Variants in NRIP1 observed in about 807,000 individuals in gnomAD.
NRIP1 encodes the protein nuclear receptor-interacting protein 1.
NRIP1 carries 28 observed loss-of-function variants against 75.0 expected under a neutral mutation model. That is an observed-to-expected ratio of 0.37 (90% CI 0.28 to 0.51). The LOEUF is 0.51. Among genes scored for constraint, NRIP1 ranks in the 20% least tolerant of loss-of-function variants. The pLI is 0.92. For synonymous variants in NRIP1, 526 were observed against 487.6 expected (o/e 1.08, Z -1.04); for missense variants, 1,435 against 1,343.7 (o/e 1.07, Z -1.06).
In NRIP1 at chr21:15,043,553, T is replaced by C. The variant is rs1270824678; in HGVS notation, c.-516A>G. ...ATGAGTCCTGAGAACAGTTCTGAAA[T>C]AGCTCACAATCCAAACACTTCCTGA... On this transcript the variant is annotated 5_prime_UTR_variant, in exon 2 of 4. Coordinates refer to ENST00000318948, the MANE Select transcript of NRIP1 (RefSeq NM_003489.4). 1 of 152,184 alleles carries C rather than the reference T, an allele frequency of 6.6e-6. No homozygotes were observed. The highest frequency in any genetic ancestry group is 2.4e-5 in the African/African-American group (1 of 41,442). 9.4% of individuals were successfully genotyped at this position (152,184 alleles called of 1,614,324 possible). A position where few individuals can be genotyped will look rare whatever the true frequency, so the allele number is the denominator to read the frequency against.
At chr21:14,995,819 C>G (rs1034521508) in intron 3 of NRIP1, among the ~76,000 whole-genome samples, 1 of 151,928 alleles carries the variant, frequency 6.6e-6, no homozygotes, top group African/African-American at 2.4e-5. Flanking sequence ...ACTGGCCCTC[C>G]TCCAACACAT....
chr21:15,020,369 G>A (rs916493223), intron 2 of NRIP1, among the ~76,000 whole-genome samples: 8 of 152,008 alleles, frequency 5.3e-5, no homozygotes, highest in Non-Finnish European at 1.0e-4. Flanking sequence ...TACATGGTGC[G>A]GTACAGTTAG....
intron 3 of NRIP1, among the ~76,000 whole-genome samples, chr21:14,974,634 C>A (rs988042244): frequency 9.2e-5 from 14 of 152,196 alleles, no homozygotes; most frequent in African/African-American, 3.1e-4. Flanking sequence ...AATACTGTCA[C>A]ACACCCTTTG....
chr21:15,024,521 G>A (rs1289716271), intron 2 of NRIP1, among the ~76,000 whole-genome samples: 4 of 152,000 alleles, frequency 2.6e-5, no homozygotes, highest in Middle Eastern at 3.4e-3. Context: ...CAGCCTGGGC[G>A]ACACTCTGTC....
At chr21:15,019,063 A>G (rs1431712003) in intron 2 of NRIP1, among the ~76,000 whole-genome samples, 1 of 151,358 alleles carries the variant, frequency 6.6e-6, no homozygotes, top group Non-Finnish European at 1.5e-5. Context: ...TCCTGTATCT[A>G]TCGAGATAAT....
At chr21:15,045,234 C>T (rs1188317067) in intron 1 of NRIP1, among the ~76,000 whole-genome samples, 1 of 152,038 alleles carries the variant, frequency 6.6e-6, no homozygotes, top group Non-Finnish European at 1.5e-5. Flanking sequence ...CGTCCTATAC[C>T]AACCAGCATG....
intron 1 of NRIP1, among the ~76,000 whole-genome samples, chr21:15,045,165 G>A (rs1283661037): frequency 6.6e-6 from 1 of 152,076 alleles, no homozygotes; most frequent in Non-Finnish European, 1.5e-5. Context: ...AATCAGCCTG[G>A]TTGGGTGGTA....
Position 15,064,980 on chromosome 21 carries a change from C to A in NRIP1, c.-773G>T. 1 of 150,820 alleles carries A rather than the reference C, an allele frequency of 6.6e-6. No individual in the cohort carries two copies. The highest frequency in any genetic ancestry group is 1.8e-4 in the South Asian group (1 of 5,482). The allele number at this position is 150,820 out of a possible 1,614,324, so 9.3% of individuals were successfully genotyped here. On this transcript the variant is annotated 5_prime_UTR_variant, in exon 1 of 4. Transcript: ENST00000318948. ...CTCCTCCGCCGCCGCCTCCCGAGTT[C>A]GGGGCTCTGCTGCAATGTCTGCGAG...
chr21:15,057,174 A>AAAAAATCATGTTAAGAACTGTTAATAG (rs2089325388), intron 1 of NRIP1, among the ~76,000 whole-genome samples: 1 of 152,120 alleles, frequency 6.6e-6, no homozygotes, highest in Non-Finnish European at 1.5e-5. Context: ...GTAATTAAAA[A>AAAAAATCATGTTAAGAACTGTTAATAG]AAAAATCATG....
At chr21:14,982,221 GT>G in intron 3 of NRIP1, among the ~76,000 whole-genome samples, 3 of 152,086 alleles carry the variant, frequency 2.0e-5, no homozygotes, top group Middle Eastern at 3.4e-3. Flanking sequence ...TTTGCTTTGT[GT>G]TTTGGTCTTT....
At chr21:15,007,853 A>G (rs2088009083) in intron 3 of NRIP1, among the ~76,000 whole-genome samples, 1 of 152,218 alleles carries the variant, frequency 6.6e-6, no homozygotes, top group South Asian at 2.1e-4. Flanking sequence ...TATCAGCTTC[A>G]TGTTTTTAGA....
rs1568934185 is a variant in NRIP1 at position 14,964,830 on chromosome 21, TAAATTA to T, written c.3357_3362del (p.Phe1119_Asn1120del). On this transcript the variant is annotated inframe_deletion, in exon 4 of 4. Coordinates refer to ENST00000318948, the MANE Select transcript of NRIP1 (RefSeq NM_003489.4). The stretch of plus-strand genomic sequence containing the variant: ...CCATATGGCTATTGTAAGGGCTTCT[TAAATTA>T]AAGAAAGAAGCTTTCGTTTCTGCAG... 5 of 1,613,482 alleles carry T rather than the reference TAAATTA, an allele frequency of 3.1e-6. No individual in the cohort carries two copies. The Admixed American group carries it at 8.3e-5, about 27-fold the overall frequency.
intron 3 of NRIP1, among the ~76,000 whole-genome samples, chr21:14,994,230 T>C (rs1003978542): frequency 6.6e-6 from 1 of 152,252 alleles, no homozygotes; most frequent in African/African-American, 2.4e-5. Flanking sequence ...GTTCAAGTGA[T>C]TCTCATGCCT....
intron 2 of NRIP1, among the ~76,000 whole-genome samples, chr21:15,016,301 C>T (rs2147183836): frequency 6.6e-6 from 1 of 152,212 alleles, no homozygotes; most frequent in African/African-American, 2.4e-5. Flanking sequence ...ATTATATATA[C>T]CTAGAAGGAT....
At chr21:15,060,007 C>T (rs938770360) in intron 1 of NRIP1, among the ~76,000 whole-genome samples, 2 of 152,046 alleles carry the variant, frequency 1.3e-5, no homozygotes, top group East Asian at 1.9e-4. Context: ...TTTTATGTTT[C>T]GGGTGCATTT....
intron 2 of NRIP1, among the ~76,000 whole-genome samples, chr21:15,040,648 C>T (rs2147311170): frequency 6.6e-6 from 1 of 152,118 alleles, no homozygotes; most frequent in East Asian, 1.9e-4. Context: ...CTTCAAAATC[C>T]ACTTTCAGTA....
intron 3 of NRIP1, among the ~76,000 whole-genome samples, chr21:15,006,317 T>C (rs1466692285): frequency 1.3e-5 from 2 of 152,160 alleles, no homozygotes; most frequent in African/African-American, 4.8e-5. Context: ...TTAATGCCAG[T>C]AGAGGGTGTT....
intron 3 of NRIP1, among the ~76,000 whole-genome samples, chr21:14,998,854 G>A (rs188053782): frequency 1.3e-5 from 2 of 152,234 alleles, no homozygotes; most frequent in Admixed American, 1.3e-4. Context: ...TATTGGTGAG[G>A]CTTCTGGTCA....
At chr21:14,978,639 CAGAA>C (rs1209089757) in intron 3 of NRIP1, among the ~76,000 whole-genome samples, 6 of 152,224 alleles carry the variant, frequency 3.9e-5, no homozygotes, top group African/African-American at 1.2e-4. Flanking sequence ...GTTCTGGTGA[CAGAA>C]AGAAACACCC....
Sources: gnomAD v4.1 joint callset for allele counts (sites outside exome capture counted in the v4.1 genomes callset) on GRCh38, gnomAD v4.1.1 for gene constraint, MANE v1.5 for transcripts, NCBI Gene and HGNC (gene_info 2026-07-23, HGNC 2026-07-21) for gene names.